The following TGIF1 variants were observed in gnomAD, a reference collection of about 807,000 sequenced individuals.
TGIF1 encodes the protein TGFB induced factor homeobox 1.
A neutral mutation model predicts 19.3 loss-of-function variants in TGIF1; 4 were observed. That is an observed-to-expected ratio of 0.21 (90% CI 0.10 to 0.47). TGIF1 has a LOEUF of 0.47. TGIF1 is among the 20% of genes least tolerant of loss of function. TGIF1 has a pLI of 0.98. For synonymous variants in TGIF1, 122 were observed against 129.3 expected (o/e 0.94, Z 0.38); for missense variants, 275 against 341.4 (o/e 0.81, Z 1.53).
intron 2 of TGIF1, among the ~76,000 whole-genome samples, chr18:3,428,014 A>C (rs1368363585): frequency 2.0e-5 from 3 of 152,232 alleles, no homozygotes; most frequent in Non-Finnish European, 2.9e-5. Context: ...CAGGTGGCCC[A>C]TGAGGTTAAA....
rs2049447676 is a variant in TGIF1 at position 3,458,984 on chromosome 18, G to A, written c.*1044G>A. On this transcript the variant is annotated 3_prime_UTR_variant, in exon 3 of 3. Transcript: ENST00000343820. Reference sequence around the variant, plus strand: ...GTGGGATTGTCAGTTTATTAGGTGAGTATTTTCCAAGGTCTCAGTTTGTGA... The same window carrying A: ...GTGGGATTGTCAGTTTATTAGGTGAATATTTTCCAAGGTCTCAGTTTGTGA... 1 of 152,174 alleles carries A rather than the reference G, an allele frequency of 6.6e-6. No individual in the cohort carries two copies. The highest frequency in any genetic ancestry group is 1.5e-5 in the Non-Finnish European group (1 of 68,028). The allele number at this position is 152,174 out of a possible 1,614,324, so 9.4% of individuals were successfully genotyped here. A position where few individuals can be genotyped will look rare whatever the true frequency, so the allele number is the denominator to read the frequency against.
chr18:3,423,482 T>G (rs78795208), intron 2 of TGIF1, among the ~76,000 whole-genome samples: 8 of 151,786 alleles, frequency 5.3e-5, no homozygotes, highest in Non-Finnish European at 1.2e-4. Flanking sequence ...CATCGAGACC[T>G]TCCTGGCTAA....
intron 2 of TGIF1, among the ~76,000 whole-genome samples, chr18:3,441,720 A>AT (rs1449811122): frequency 2.6e-5 from 4 of 152,114 alleles, no homozygotes; most frequent in African/African-American, 4.8e-5. Flanking sequence ...ATTTAGCTTT[A>AT]TTTTTTTAAC....
At chr18:3,438,844 G>A (rs780549277) in intron 2 of TGIF1, among the ~76,000 whole-genome samples, 2 of 152,134 alleles carry the variant, frequency 1.3e-5, no homozygotes, top group Non-Finnish European at 2.9e-5. Context: ...TTTTCCTTCT[G>A]TGATTGGTCT....
chr18:3,424,679 G>C (rs1234091757), intron 2 of TGIF1, among the ~76,000 whole-genome samples: 1 of 152,176 alleles, frequency 6.6e-6, no homozygotes, highest in East Asian at 1.9e-4. Context: ...CAGCCTCGGG[G>C]AGGAGAGAGT....
upstream of TGIF1, chr18:3,449,309 G>A (rs1389168337): frequency 2.4e-6 from 2 of 822,582 alleles, no homozygotes; most frequent in African/African-American, 3.7e-5. Flanking sequence ...TCACCCCTTA[G>A]CTATAAAAGT....
chr18:3,453,150 C>G (rs1018614156), intron 1 of TGIF1, among the ~76,000 whole-genome samples: 1 of 151,980 alleles, frequency 6.6e-6, no homozygotes, highest in South Asian at 2.1e-4. Flanking sequence ...GTTGCCCAGG[C>G]TGGTCTCGAA....
chr18:3,455,954 A>G, intron 1 of TGIF1: 1 of 331,454 alleles, frequency 3.0e-6, no homozygotes, highest in East Asian at 7.6e-5. Context: ...CCTAGTTAGC[A>G]CTGATCTTAG....
At chr18:3,423,214 C>T (rs1438378259) in intron 2 of TGIF1, among the ~76,000 whole-genome samples, 1 of 152,082 alleles carries the variant, frequency 6.6e-6, no homozygotes, top group Non-Finnish European at 1.5e-5. Flanking sequence ...GTCTCCCCGT[C>T]GTTGATGCAT....
chr18:3,444,109 C>G (rs1480513810), intron 2 of TGIF1, among the ~76,000 whole-genome samples: 4 of 151,460 alleles, frequency 2.6e-5, no homozygotes, highest in Non-Finnish European at 5.9e-5. Flanking sequence ...CCATGCCCAG[C>G]TAATTTTTGT....
chr18:3,420,313 G>A (rs2082385327), intron 2 of TGIF1, among the ~76,000 whole-genome samples: 1 of 152,022 alleles, frequency 6.6e-6, no homozygotes, highest in Non-Finnish European at 1.5e-5. Flanking sequence ...AATCCAGGAG[G>A]TGGAGTTTGC....
chr18:3,457,140 CAAAA>C lies in TGIF1; in HGVS notation c.244-222_244-219del. 1 of 615,628 alleles carries C rather than the reference CAAAA, an allele frequency of 1.6e-6. No homozygotes were observed. Among genetic ancestry groups the C allele is most frequent in the South Asian group, 2.0e-5 (1 of 49,432 alleles). The allele number at this position is 615,628 out of a possible 1,614,324, so 38.1% of individuals were successfully genotyped here. A position where few individuals can be genotyped will look rare whatever the true frequency, so the allele number is the denominator to read the frequency against. ...CTGAAAAGGTTTAAGTATGAAGAGACAAAAAAGGAAATTTGTATTAGAAACTAGA... is the reference window on the plus strand; with the variant it reads ...CTGAAAAGGTTTAAGTATGAAGAGACAAGGAAATTTGTATTAGAAACTAGA... On this transcript the variant is annotated intron_variant, in intron 2 of 2. Coordinates refer to ENST00000343820, the MANE Select transcript of TGIF1 (RefSeq NM_003244.4). This position sits in a 1 kb window ranked among gnomAD's most constrained non-coding sequence, Gnocchi z 4.9.
At chr18:3,413,975 A>G (rs568523808) in intron 1 of TGIF1, among the ~76,000 whole-genome samples, 1 of 152,332 alleles carries the variant, frequency 6.6e-6, no homozygotes, top group South Asian at 2.1e-4. Context: ...TAAATTAATT[A>G]TAGTTATTAT....
chr18:3,455,700 G>T (rs1204150262), intron 1 of TGIF1: 1 of 154,902 alleles, frequency 6.5e-6, no homozygotes, highest in Non-Finnish European at 1.4e-5. Flanking sequence ...TTTAAAGTAG[G>T]TGTCTAACTT....
intron 1 of TGIF1, among the ~76,000 whole-genome samples, chr18:3,415,984 G>A (rs1157680387): frequency 2.6e-5 from 4 of 152,218 alleles, no homozygotes; most frequent in Admixed American, 2.6e-4. Context: ...CAGTCCCAAA[G>A]ATAATTTCAA....
chr18:3,451,566 C>G lies in TGIF1; in HGVS notation c.16+1061C>G. 9.8e-7 allele frequency: 1 copy of G among 1,017,576 alleles called. No homozygotes were observed. The highest frequency in any genetic ancestry group is 4.6e-5 in the South Asian group (1 of 21,826). The allele number at this position is 1,017,576 out of a possible 1,614,324, so 63.0% of individuals were successfully genotyped here. A position where few individuals can be genotyped will look rare whatever the true frequency, so the allele number is the denominator to read the frequency against. On this transcript the variant is annotated intron_variant, in intron 1 of 2. Coordinates refer to ENST00000343820, the MANE Select transcript of TGIF1 (RefSeq NM_003244.4). This position sits in a 1 kb window ranked among gnomAD's most constrained non-coding sequence, Gnocchi z 5.4. ...GAGGGGCGGCGCTACTGCGCATGCC[C>G]GGGAGCCGCCTGGAGTTTGGAACTC...
chr18:3,434,928 G>A (rs2082595564), intron 2 of TGIF1, among the ~76,000 whole-genome samples: 2 of 152,136 alleles, frequency 1.3e-5, no homozygotes, highest in African/African-American at 4.8e-5. Context: ...TAAAATAGCT[G>A]ACTTATACAG....
At position 3,456,273 on chromosome 18, in the gene TGIF1, T is replaced by C; in HGVS notation, c.17-81T>C. 7.7e-7 allele frequency: 1 copy of C among 1,297,434 alleles called. No homozygotes were observed. Among genetic ancestry groups the C allele is most frequent in the South Asian group, 1.2e-5 (1 of 84,188 alleles). 80.4% of individuals were successfully genotyped at this position (1,297,434 alleles called of 1,614,324 possible). A position where few individuals can be genotyped will look rare whatever the true frequency, so the allele number is the denominator to read the frequency against. On this transcript the variant is annotated intron_variant, in intron 1 of 2. Coordinates refer to ENST00000343820, the MANE Select transcript of TGIF1 (RefSeq NM_003244.4). This position sits in a 1 kb window ranked among gnomAD's most constrained non-coding sequence, Gnocchi z 4.2. ...AGTTGTTGGGAAAGCATGGTTACAT[T>C]GAATGGTCAGCGTTAAGTGAGCTTT... is the stretch of plus-strand genomic sequence containing the variant.
chr18:3,448,382 G>A, upstream of TGIF1: 1 of 1,007,450 alleles, frequency 9.9e-7, no homozygotes, highest in Non-Finnish European at 1.2e-6. Context: ...CGGCGGGGGC[G>A]CTGGCCCCCT....
Sources: allele counts gnomAD v4.1 joint callset (sites outside exome capture counted in the v4.1 genomes callset), GRCh38; gene constraint gnomAD v4.1.1; non-coding constraint Gnocchi (gnomAD v3.1); transcripts MANE v1.5; gene names NCBI Gene and HGNC (gene_info 2026-07-23, HGNC 2026-07-21).